The following PTGER3 variants were observed in gnomAD, a reference collection of about 807,000 sequenced individuals.
PTGER3 encodes the protein prostaglandin E2 receptor EP3 subtype.
In PTGER3, 22 loss-of-function variants were observed where a neutral mutation model predicts 34.7. The observed-to-expected ratio is 0.63, with a 90% CI of 0.45 to 0.91. The LOEUF is 0.91. Ranked by LOEUF, PTGER3 falls within the 40% of genes least tolerant of loss-of-function variation. The pLI, the probability that PTGER3 is intolerant of heterozygous loss-of-function variation, is 0.00. For missense variants in PTGER3, 468 were observed against 519.4 expected (o/e 0.90, Z 0.96); for synonymous variants, 241 against 230.1 (o/e 1.05, Z -0.43).
chr1:70,907,644 C>T (rs1646976223), intron 4 of PTGER3, among the ~76,000 whole-genome samples: 1 of 152,128 alleles, frequency 6.6e-6, no homozygotes, highest in Non-Finnish European at 1.5e-5. Flanking sequence ...GGTACTTTTG[C>T]GATCAGGCAT....
rs1427404270 is a variant in PTGER3, at chr1:70,911,059, G to A, written c.*23+42704C>T. ...TGCGCCACTGCACTCCAGCCTGGGC[G>A]ACAGAGCGAGACTCCATTTAAAAAA... On this transcript the variant is annotated intron_variant, in intron 4 of 4. Transcript: ENST00000370931. Among the ~76,000 whole-genome samples the A allele has an allele frequency of 3.3e-5, 5 of 149,486 alleles. No individual in the cohort carries two copies. The East Asian group carries it at 7.9e-4, about 24-fold the overall frequency.
intron 1 of PTGER3, among the ~76,000 whole-genome samples, chr1:71,043,295 A>G (rs1481734044): frequency 6.6e-6 from 1 of 152,226 alleles, no homozygotes; most frequent in Non-Finnish European, 1.5e-5. Context: ...TATCATGGTG[A>G]CATAATTTCC....
At chr1:70,942,796 A>G (rs568899859) in intron 4 of PTGER3, among the ~76,000 whole-genome samples, 1 of 152,294 alleles carries the variant, frequency 6.6e-6, no homozygotes, top group Non-Finnish European at 1.5e-5. Context: ...TTATAAGAAA[A>G]GGAAAGTTGA....
intron 4 of PTGER3, among the ~76,000 whole-genome samples, chr1:70,933,300 C>A (rs1458616362): frequency 6.6e-6 from 1 of 152,142 alleles, no homozygotes; most frequent in Non-Finnish European, 1.5e-5. Context: ...TCTCATAACA[C>A]TTTATTTCTT....
At chr1:70,950,862 C>T (rs1011087636), downstream of PTGER3, 6 of 152,086 alleles carry the variant, frequency 3.9e-5, no homozygotes, top group African/African-American at 1.4e-4. Context: ...CCACGCCTGG[C>T]TAATTTTCAT....
chr1:71,012,218 T>C, intron 2 of PTGER3, 87 bp downstream of exon 2: 2 of 1,609,106 alleles, frequency 1.2e-6, no homozygotes, highest in Non-Finnish European at 8.5e-7. Context: ...TTTTCTTTCA[T>C]GCTTCTGTCT....
intron 4 of PTGER3, among the ~76,000 whole-genome samples, chr1:70,897,972 A>G (rs1317145250): frequency 1.3e-5 from 2 of 151,848 alleles, no homozygotes; most frequent in African/African-American, 2.4e-5. Context: ...ATATCACTTA[A>G]TGTATTTGAA....
intron 4 of PTGER3, among the ~76,000 whole-genome samples, chr1:70,861,984 T>C (rs968577590): frequency 6.6e-6 from 1 of 151,954 alleles, no homozygotes; most frequent in Non-Finnish European, 1.5e-5. Flanking sequence ...CCATCTAGTA[T>C]TTCCAGTATC....
At chr1:70,865,675 G>A (rs775197288) in intron 4 of PTGER3, 1 of 1,365,694 alleles carries the variant, frequency 7.3e-7, no homozygotes, top group Admixed American at 1.9e-5. Flanking sequence ...TGGCAATGTG[G>A]AGTCTTTACT....
chr1:70,938,386 T>C (rs1042512974), intron 4 of PTGER3, among the ~76,000 whole-genome samples: 2 of 152,168 alleles, frequency 1.3e-5, no homozygotes, highest in African/African-American at 4.8e-5. Context: ...TGTACTATAA[T>C]GGTTCTCACT....
At chr1:70,912,118 G>A (rs1647074251) in intron 4 of PTGER3, among the ~76,000 whole-genome samples, 1 of 151,928 alleles carries the variant, frequency 6.6e-6, no homozygotes, top group Non-Finnish European at 1.5e-5. Flanking sequence ...TCGAAGTTAT[G>A]GTAACTCGGT....
In PTGER3 at chr1:70,984,646, G is replaced by A. The variant is rs1383121739; in HGVS notation, c.1078-10258C>T. ...AGGTGGGAGGATGAGAGGATCCCTT[G>A]TGCCCAGGAGTTAGAAGATGCAGTG... On this transcript the variant is annotated intron_variant, in intron 2 of 3. Coordinates refer to ENST00000306666, the MANE Select transcript of PTGER3 (RefSeq NM_198719.2). 5.3e-5 allele frequency among the ~76,000 whole-genome samples: 8 copies of A among 151,918 alleles called. No individual in the cohort carries two copies. In the East Asian group the frequency reaches 9.7e-4, roughly 18 times the overall value.
chr1:70,990,147 A>T (rs1655301585), intron 2 of PTGER3, among the ~76,000 whole-genome samples: 1 of 151,702 alleles, frequency 6.6e-6, no homozygotes, highest in Non-Finnish European at 1.5e-5. Flanking sequence ...AGGTCAGGAG[A>T]TCGAGACCAA....
At chr1:70,938,772 G>A (rs1649483653) in intron 4 of PTGER3, among the ~76,000 whole-genome samples, 1 of 152,132 alleles carries the variant, frequency 6.6e-6, no homozygotes, top group East Asian at 1.9e-4. Context: ...GGAAAGACCA[G>A]CCCCCATGAT....
intron 2 of PTGER3, among the ~76,000 whole-genome samples, chr1:70,985,686 T>C (rs1654850597): frequency 6.6e-6 from 1 of 152,208 alleles, no homozygotes; most frequent in Admixed American, 6.5e-5. Context: ...TACAAAGGGC[T>C]GCCTTTGCTC....
intron 4 of PTGER3, chr1:70,869,208 C>A (rs1474728541): frequency 6.5e-6 from 3 of 459,474 alleles, no homozygotes; most frequent in Non-Finnish European, 1.3e-5. Context: ...TGGTATCACA[C>A]TTTACAACAA....
intron 2 of PTGER3, among the ~76,000 whole-genome samples, chr1:70,980,663 A>G (rs535133936): frequency 1.3e-5 from 2 of 152,264 alleles, no homozygotes; most frequent in South Asian, 4.1e-4. Context: ...GGGTTAATGT[A>G]TATAAAACAC....
At chr1:70,938,238 G>A (rs1572700819) in intron 4 of PTGER3, among the ~76,000 whole-genome samples, 1 of 152,074 alleles carries the variant, frequency 6.6e-6, no homozygotes, top group African/African-American at 2.4e-5. Flanking sequence ...GTGCCCAAGG[G>A]TCAATACCAA....
chr1:70,880,334 G>T (rs746337002), intron 4 of PTGER3, among the ~76,000 whole-genome samples: 3 of 151,644 alleles, frequency 2.0e-5, no homozygotes, highest in Non-Finnish European at 4.4e-5. Context: ...CTTTGCTTAT[G>T]AAACTAGTTT....
Sources: gnomAD v4.1 joint callset for allele counts (sites outside exome capture counted in the v4.1 genomes callset) on GRCh38, gnomAD v4.1.1 for gene constraint, MANE v1.5 for transcripts, NCBI Gene and HGNC (gene_info 2026-07-23, HGNC 2026-07-21) for gene names.